The following LONP2 variants were observed in gnomAD, a reference collection of about 807,000 sequenced individuals.
LONP2 encodes lon peptidase 2, peroxisomal, also known as lon protease homolog 2, peroxisomal.
Under a neutral mutation model 85.6 loss-of-function variants are expected in LONP2, and 60 were observed. The ratio of observed to expected loss-of-function variants is 0.70; its 90% CI spans 0.57 to 0.87. The LOEUF (loss-of-function observed/expected upper bound fraction) is 0.87. LONP2 is among the 40% of genes least tolerant of loss of function. The pLI is 0.00. For synonymous variants in LONP2, 395 were observed against 389.7 expected, an observed-to-expected ratio of 1.01 and a Z score of -0.16; for missense variants, 860 against 1,063.5, an observed-to-expected ratio of 0.81 and a Z score of 2.66.
At chr16:48,347,396 A>C (rs1959998758) in intron 12 of LONP2, 111 bp from the exon 13 acceptor site, 1 of 953,220 alleles carries the variant, frequency 1.0e-6, no homozygotes, top group South Asian at 1.5e-5. Context: ...AAGGACTTTG[A>C]GGTAAGTGGC....
intron 8 of LONP2, among the ~76,000 whole-genome samples, chr16:48,284,121 G>A (rs149026239): frequency 6.6e-6 from 1 of 152,306 alleles, no homozygotes; most frequent in Non-Finnish European, 1.5e-5. Context: ...GGTAAAACTT[G>A]AACAGATGAG....
At chr16:48,339,776 A>G (rs1959762680) in intron 12 of LONP2, among the ~76,000 whole-genome samples, 2 of 152,238 alleles carry the variant, frequency 1.3e-5, no homozygotes, top group African/African-American at 2.4e-5. Flanking sequence ...TTTATAAGGA[A>G]AAGATTATAA....
At chr16:48,320,224 A>G (rs916150728) in intron 11 of LONP2, among the ~76,000 whole-genome samples, 1 of 151,760 alleles carries the variant, frequency 6.6e-6, no homozygotes, top group African/African-American at 2.4e-5. Flanking sequence ...TAGAATATCC[A>G]TCAAACTTGA....
intron 8 of LONP2, among the ~76,000 whole-genome samples, chr16:48,281,305 CAG>C (rs1422712950): frequency 6.6e-6 from 1 of 152,048 alleles, no homozygotes; most frequent in Non-Finnish European, 1.5e-5. Context: ...TTATGTAAAA[CAG>C]AATGTATTTC....
chr16:48,326,367 T>C (rs986801923), intron 11 of LONP2, among the ~76,000 whole-genome samples: 1 of 152,202 alleles, frequency 6.6e-6, no homozygotes, highest in African/African-American at 2.4e-5. Context: ...AACCTGCTGT[T>C]TGTGAAAATG....
chr16:48,301,287 C>T (rs1596963774), intron 10 of LONP2, among the ~76,000 whole-genome samples: 1 of 152,284 alleles, frequency 6.6e-6, no homozygotes, highest in Non-Finnish European at 1.5e-5. Flanking sequence ...TTAATTCTAG[C>T]GAATAACTAC....
chr16:48,305,374 C>CCT (rs1261811524), intron 11 of LONP2, among the ~76,000 whole-genome samples: 1 of 152,168 alleles, frequency 6.6e-6, no homozygotes, highest in Non-Finnish European at 1.5e-5. Flanking sequence ...CCTGCCTCAG[C>CCT]CTCCCCAGTA....
At chr16:48,251,927 G>A (rs1402234088) in intron 1 of LONP2, among the ~76,000 whole-genome samples, 1 of 152,168 alleles carries the variant, frequency 6.6e-6, no homozygotes, top group Non-Finnish European at 1.5e-5. Context: ...AGATTATAGT[G>A]AGATGGTCTG....
intron 8 of LONP2, among the ~76,000 whole-genome samples, chr16:48,286,417 A>C (rs1184719595): frequency 6.6e-6 from 1 of 152,218 alleles, no homozygotes; most frequent in Non-Finnish European, 1.5e-5. Context: ...CTGAGATTAC[A>C]GTCGTGAGCC....
chr16:48,294,134 T>C (rs1322159483), intron 8 of LONP2, among the ~76,000 whole-genome samples: 1 of 151,808 alleles, frequency 6.6e-6, no homozygotes, highest in Non-Finnish European at 1.5e-5. Context: ...AGAGACAGAG[T>C]TTCACCATGT....
chr16:48,297,371 C>T (rs1223843918), intron 9 of LONP2, among the ~76,000 whole-genome samples: 1 of 152,036 alleles, frequency 6.6e-6, no homozygotes, highest in Non-Finnish European at 1.5e-5. Flanking sequence ...AATGCAGTGG[C>T]ACAATCTTGG....
intron 5 of LONP2, 80 bp from the exon 6 acceptor site, chr16:48,262,696 GAA>G (rs1387953938): frequency 2.4e-6 from 2 of 836,102 alleles, no homozygotes; most frequent in Non-Finnish European, 3.9e-6. Flanking sequence ...ATCTAACCAA[GAA>G]AGAGAGCTGT....
intron 1 of LONP2, among the ~76,000 whole-genome samples, chr16:48,251,460 G>C (rs1393374928): frequency 6.6e-6 from 1 of 152,134 alleles, no homozygotes; most frequent in Non-Finnish European, 1.5e-5. Flanking sequence ...TTCACCTATT[G>C]TTAGGTAAAA....
In LONP2 at chr16:48,270,231, G is replaced by A. The variant is rs1972075384; in HGVS notation, c.1198G>A (p.Ala400Thr). 6.2e-7 allele frequency: 1 copy of A among 1,613,882 alleles called. No individual in the cohort carries two copies. The highest frequency in any genetic ancestry group is 1.1e-5 in the South Asian group (1 of 91,084). Reference protein sequence around the residue: ...KTLGREFHRIALGGVCDQSDI... With the variant: ...KTLGREFHRITLGGVCDQSDI... ...TCTAGGTCGAGAGTTCCACAGGATT[G>A]CACTTGGAGGAGTATGTGATCAGTC... The change falls in exon 7 of 15, where the codon GCA becomes ACA. Residue 400 changes from alanine (A) to threonine (T), a missense_variant. Ala to Thr is a moderately conservative substitution (Grantham distance 58). Around this residue, in one of 3 missense-constraint regions of LONP2, gnomAD observed 743 missense variants for 917.3 expected, o/e 0.81. Transcript: ENST00000285737.
chr16:48,283,946 C>G (rs1972383707), intron 8 of LONP2, among the ~76,000 whole-genome samples: 1 of 152,080 alleles, frequency 6.6e-6, no homozygotes, highest in African/African-American at 2.4e-5. Context: ...GGGAGGAGGT[C>G]AAAATATCAA....
At chr16:48,317,686 A>AT (rs1178831693) in intron 11 of LONP2, among the ~76,000 whole-genome samples, 1 of 152,186 alleles carries the variant, frequency 6.6e-6, no homozygotes, top group Non-Finnish European at 1.5e-5. Context: ...TTGGCTATCC[A>AT]TTTTCCAGTC....
intron 12 of LONP2, chr16:48,343,628 G>A (rs1959881056): frequency 6.6e-6 from 1 of 152,128 alleles, no homozygotes; most frequent in Non-Finnish European, 1.5e-5. Flanking sequence ...AACCCAGGAG[G>A]TGGAGGTTGC....
At chr16:48,334,171 C>T (rs1411533560) in intron 11 of LONP2, 45 bp from the exon 12 acceptor site, 2 of 1,583,746 alleles carry the variant, frequency 1.3e-6, no homozygotes, top group Non-Finnish European at 1.7e-6. Flanking sequence ...ATTTTCCAGC[C>T]TGCAAATCTC....
intron 9 of LONP2, 130 bp from the exon 10 acceptor site, chr16:48,299,532 A>C: frequency 1.2e-6 from 1 of 854,384 alleles, no homozygotes; most frequent in Non-Finnish European, 1.8e-6. Flanking sequence ...TAGTGAGCCG[A>C]GATCACGCCA....
Sources: allele counts gnomAD v4.1 joint callset (sites outside exome capture counted in the v4.1 genomes callset), GRCh38; gene constraint gnomAD v4.1.1; regional missense constraint gnomAD v4.1.1; transcripts MANE v1.5; gene names NCBI Gene and HGNC (gene_info 2026-07-23, HGNC 2026-07-21).